CFAP126: variants seen among roughly 807,000 people sequenced by gnomAD.
The protein encoded by CFAP126 is protein Flattop.
In CFAP126, 21 loss-of-function variants were observed where a neutral mutation model predicts 17.1. That is an observed-to-expected ratio of 1.23 (90% CI 0.87 to 1.77). The LOEUF (loss-of-function observed/expected upper bound fraction) is 1.77, where lower values mean the gene tolerates loss of function less well. Ranked by LOEUF, CFAP126 falls within the 40% of genes most tolerant of loss-of-function variation. CFAP126 has a pLI of 0.00. For synonymous variants in CFAP126, 65 were observed against 73.5 expected, an observed-to-expected ratio of 0.88 and a Z score of 0.59; for missense variants, 174 against 215.4, an observed-to-expected ratio of 0.81 and a Z score of 1.20.
At position 161,365,075 on chromosome 1, in the gene CFAP126, T is replaced by C. The variant is rs771326736; in HGVS notation, c.424A>G (p.Thr142Ala). 4.3e-6 allele frequency: 7 copies of C among 1,614,050 alleles called. No homozygotes were observed. The Admixed American group carries it at 6.7e-5, about 15-fold the overall frequency. The change falls in exon 5 of 5, where the codon ACC (threonine) becomes GCC (alanine). Residue 142 changes from threonine (T) to alanine (A), a missense_variant. Physicochemically the swap from Thr to Ala is moderately conservative, Grantham distance 58. Coordinates refer to ENST00000367974, the MANE Select transcript of CFAP126 (RefSeq NM_001013625.4). ...TKTVQQARSP[T>A]IIPSSPAANL... is the part of the protein sequence containing the mutation. ...GCAGCTGGGGAGCTTGGAATTATGG[T>C]TGGACTTCGTGCTTGTTGTACAGTC...
At chr1:161,365,241 C>T (rs1177342297) in intron 4 of CFAP126, 91 bp from the exon 5 acceptor site, 2 of 1,303,058 alleles carry the variant, frequency 1.5e-6, no homozygotes, top group African/African-American at 1.5e-5. Context: ...TCCCTTTCTC[C>T]CCATACCATG....
intron 4 of CFAP126, 89 bp from the exon 5 acceptor site, chr1:161,365,239 T>TC: frequency 7.6e-7 from 1 of 1,314,978 alleles, no homozygotes; most frequent in Non-Finnish European, 1.1e-6. Flanking sequence ...ACTCCCTTTC[T>TC]CCCCATACCA....
rs776455986 is a variant in CFAP126 at position 161,366,160 on chromosome 1, A to G, written c.171+38T>C. 3.4e-6 allele frequency: 5 copies of G among 1,475,966 alleles called. No homozygotes were observed. The Admixed American group carries it at 5.0e-5, about 15-fold the overall frequency. The allele number at this position is 1,475,966 out of a possible 1,614,324, so 91.4% of individuals were successfully genotyped here. A position where few individuals can be genotyped will look rare whatever the true frequency, so the allele number is the denominator to read the frequency against. ...CATCTCCCAGTTCTGTGCCTTAATT[A>G]TTTGACTTTCTTGATAGGAGTGAAG... On this transcript the variant is annotated intron_variant, in intron 3 of 4. Transcript: ENST00000367974.
At chr1:161,366,157 A>G in intron 3 of CFAP126, 41 bp downstream of exon 3, 2 of 1,461,466 alleles carry the variant, frequency 1.4e-6, no homozygotes, top group Non-Finnish European at 1.9e-6. Flanking sequence ...CTGTGCCTTA[A>G]TTATTTGACT....
At position 161,364,924 on chromosome 1, in the gene CFAP126, C is replaced by G; in HGVS notation, c.*41G>C. On this transcript the variant is annotated 3_prime_UTR_variant, in exon 5 of 5. Coordinates refer to ENST00000367974, the MANE Select transcript of CFAP126 (RefSeq NM_001013625.4). ...TTCTGGACCTCAGCTAGATTAGGCCCTGCCCAGAGTTCTAGCATACGTGGA... is the reference window on the plus strand; with the variant it reads ...TTCTGGACCTCAGCTAGATTAGGCCGTGCCCAGAGTTCTAGCATACGTGGA... 6.3e-7 allele frequency: 1 copy of G among 1,583,200 alleles called. No homozygotes were observed. The highest frequency in any genetic ancestry group is 8.7e-7 in the Non-Finnish European group (1 of 1,154,500).
At position 161,365,705 on chromosome 1, in the gene CFAP126, A is replaced by G. The variant is rs1672706294; in HGVS notation, c.172-3T>C. 1 of 1,575,656 alleles carries G rather than the reference A, an allele frequency of 6.3e-7. No homozygotes were observed. Among genetic ancestry groups the G allele is most frequent in the Non-Finnish European group, 8.6e-7 (1 of 1,162,696 alleles). On this transcript the variant is annotated splice_region_variant and splice_polypyrimidine_tract_variant and intron_variant, in intron 3 of 4. Transcript: ENST00000367974. ...ATGAAGGAACCCCAAGGATTTGCCT[A>G]AAAATGAAAAGGGATTCCTCAGTAG... is the stretch of plus-strand genomic sequence containing the variant.
chr1:161,365,790 G>A (rs965637794), intron 3 of CFAP126, 88 bp from the exon 4 acceptor site: 38 of 1,179,308 alleles, frequency 3.2e-5, no homozygotes, highest in Non-Finnish European at 4.2e-5. Context: ...TTTACCTTTA[G>A]GAATGCATGG....
Position 161,365,655 on chromosome 1 carries a change from C to A in CFAP126, c.219G>T (p.Lys73Asn), listed in dbSNP as rs753383747. 23 of 1,609,214 alleles carry A rather than the reference C, an allele frequency of 1.4e-5. No homozygotes were observed. In the Admixed American group the frequency reaches 3.6e-4, roughly 25 times the overall value. ...TCAGGGTCACCCGAGCAGGGGGTAT[C>A]TTCAGAGGCATTTGCCAGGTGCCCA... The part of the protein sequence containing the change: ...SFMGTWQMPL[K>N]IPPARVTLTS... The change falls in exon 4 of 5, where the codon AAG (lysine) becomes AAT (asparagine). Residue 73 changes from lysine (K) to asparagine (N), a missense_variant. Lys to Asn is a moderately conservative substitution (Grantham distance 94, BLOSUM62 0). Coordinates refer to ENST00000367974, the MANE Select transcript of CFAP126 (RefSeq NM_001013625.4).
At chr1:161,366,062 TC>T (rs1672718533) in intron 3 of CFAP126, 135 bp downstream of exon 3, 1 of 777,784 alleles carries the variant, frequency 1.3e-6, no homozygotes, top group Non-Finnish European at 2.2e-6. Flanking sequence ...GGCCGGAAGT[TC>T]AGGGGCTCTC....
At chr1:161,365,750 C>G (rs1672708504) in intron 3 of CFAP126, 48 bp from the exon 4 acceptor site, 15 of 1,459,800 alleles carry the variant, frequency 1.0e-5, no homozygotes, top group African/African-American at 7.1e-5. Flanking sequence ...CTCCCAGTAA[C>G]TGACTTAGAC....
chr1:161,366,877 G>A (rs1290718421), intron 1 of CFAP126: 3 of 225,500 alleles, frequency 1.3e-5, no homozygotes, highest in Admixed American at 5.2e-5. Context: ...GGGTTCAAGC[G>A]ATCCTCCTCC....
At chr1:161,365,176 T>G (rs751148667) in intron 4 of CFAP126, 26 bp from the exon 5 acceptor site, 1 of 1,603,744 alleles carries the variant, frequency 6.2e-7, no homozygotes, top group Non-Finnish European at 8.5e-7. Flanking sequence ...GTGGGAGAGA[T>G]AGTCATGTCT....
chr1:161,365,136 G>A lies in CFAP126; in HGVS notation c.363C>T (p.Asp121=). 6.2e-7 allele frequency: 1 copy of A among 1,614,098 alleles called. No homozygotes were observed. Among genetic ancestry groups the A allele is most frequent in the Non-Finnish European group, 8.5e-7 (1 of 1,179,956 alleles). ...ACTTCTTTCTGAGTTTCTTCTGACT[G>A]TCTGGATCATGGGGCTGTCAGTGAT... ...PEILGKPHDP[D]SQKKLRKKSI... is the part of the protein sequence containing the mutation. Residue 121 remains aspartate (D), a synonymous_variant, in exon 5 of 5, where the codon GAC becomes GAT. Transcript: ENST00000367974.
chr1:161,364,885 T>C lies in CFAP126; in HGVS notation c.*80A>G. On this transcript the variant is annotated 3_prime_UTR_variant, in exon 5 of 5. Coordinates refer to ENST00000367974, the MANE Select transcript of CFAP126 (RefSeq NM_001013625.4). ...GTGTGGCCACTTGGTCCATATGAAGTTCCAGGTTTGTATTTCTGGACCTCA... is the reference window on the plus strand; with the variant it reads ...GTGTGGCCACTTGGTCCATATGAAGCTCCAGGTTTGTATTTCTGGACCTCA... The C allele has an allele frequency of 7.3e-7, 1 of 1,373,356 alleles. No homozygotes were observed. The highest frequency in any genetic ancestry group is 1.4e-5 in the African/African-American group (1 of 69,038). The allele number at this position is 1,373,356 out of a possible 1,614,324, so 85.1% of individuals were successfully genotyped here. A position where few individuals can be genotyped will look rare whatever the true frequency, so the allele number is the denominator to read the frequency against.
chr1:161,365,491 T>A (rs13374037), intron 4 of CFAP126, 35 bp downstream of exon 4: 131,635 of 1,607,750 alleles, frequency 0.082, 7,896 homozygotes, highest in East Asian at 0.25. Flanking sequence ...AAATTGAGAC[T>A]ACAGGGTTTT....
Position 161,366,495 on chromosome 1 carries a change from T to C in CFAP126, c.34A>G (p.Lys12Glu). Residue 12 changes from lysine (K) to glutamate (E), a missense_variant, in exon 2 of 5, where the codon AAG (lysine) becomes GAG (glutamate). Transcript: ENST00000367974. ...ATNYSANQYE[K>E]AFSSKYLQNW... ...TGCAGATACTTGGATGAGAAAGCCTTTTCATACTGTGGAGAGAAAGATAAG... is the reference window on the plus strand; with the variant it reads ...TGCAGATACTTGGATGAGAAAGCCTCTTCATACTGTGGAGAGAAAGATAAG... 6.2e-7 allele frequency: 1 copy of C among 1,614,014 alleles called. No individual in the cohort carries two copies. The highest frequency in any genetic ancestry group is 1.1e-5 in the South Asian group (1 of 91,074).
At position 161,364,747 on chromosome 1, in the gene CFAP126, A is replaced by C. The variant is rs1672664591; in HGVS notation, c.*218T>G. 1.9e-6 allele frequency: 1 copy of C among 516,818 alleles called. No homozygotes were observed. The highest frequency in any genetic ancestry group is 1.9e-5 in the African/African-American group (1 of 52,222). The allele number at this position is 516,818 out of a possible 1,614,324, so 32.0% of individuals were successfully genotyped here. On this transcript the variant is annotated 3_prime_UTR_variant, in exon 5 of 5. Coordinates refer to ENST00000367974, the MANE Select transcript of CFAP126 (RefSeq NM_001013625.4). ...CCAGATCAGTAAAAGATTCAACAAA[A>C]AAAAGTTTATTTTCCAAATTTGCTT...
intron 1 of CFAP126, 96 bp from the exon 2 acceptor site, chr1:161,366,597 G>C (rs112999154): frequency 1.8e-5 from 20 of 1,121,602 alleles, no homozygotes; most frequent in Admixed American, 8.6e-5. Context: ...AAGACCAAAG[G>C]CCTGACCAAC....
chr1:161,367,864 G>A lies in CFAP126; in HGVS notation c.5C>T (p.Ala2Val). The A allele has an allele frequency of 6.2e-7, 1 of 1,614,028 alleles. No homozygotes were observed. The change falls in exon 1 of 5, where the codon GCC becomes GTC. Residue 2 changes from alanine to valine, a missense_variant. Transcript: ENST00000367974. M[A>V]TNYSANQYEK... ...TACCTGGTTGGCACTGTAGTTAGTG[G>A]CCATGATCTTGTGCTGTTTACACTC...
Sources: gnomAD v4.1 joint callset for allele counts on GRCh38, gnomAD v4.1.1 for gene constraint, MANE v1.5 for transcripts, NCBI Gene and HGNC (gene_info 2026-07-23, HGNC 2026-07-21) for gene names.